Variants in PEX5 observed in about 807,000 individuals in gnomAD.
PEX5 encodes the protein peroxisomal biogenesis factor 5.
PEX5 carries 52 observed loss-of-function variants against 82.9 expected under a neutral mutation model. The observed-to-expected ratio is 0.63, with a 90% CI of 0.50 to 0.79. The LOEUF (loss-of-function observed/expected upper bound fraction) is 0.79, where lower values mean the gene tolerates loss of function less well. Among genes scored for constraint, PEX5 ranks in the 30% least tolerant of loss-of-function variants. The probability of loss-of-function intolerance (pLI) is 0.00; values close to 1 mark genes in which losing one functional copy is unlikely to be tolerated. For synonymous variants in PEX5, 300 were observed against 318.8 expected, an observed-to-expected ratio of 0.94 and a Z score of 0.63; for missense variants, 719 against 815.2, an observed-to-expected ratio of 0.88 and a Z score of 1.44.
rs113646200 is a variant in PEX5 at position 7,209,933 on chromosome 12, C to T, written c.1719-89C>T. ...TCTTAGATCCTGTTTGACTAACCAG[C>T]CCTAGCTTTCTCCCTCCCACTGCTA... On this transcript the variant is annotated intron_variant, in intron 15 of 15. Transcript: ENST00000675855. The T allele has an allele frequency of 3.0e-3, 4,715 of 1,590,970 alleles. 97 individuals are homozygous for T. In the African/African-American group the frequency reaches 0.051, roughly 17 times the overall value.
chr12:7,209,008 C>T lies in PEX5; in HGVS notation c.1398C>T (p.Ser466=). 1.2e-6 allele frequency: 2 copies of T among 1,614,016 alleles called. No individual in the cohort carries two copies. Among genetic ancestry groups the T allele is most frequent in the Non-Finnish European group, 8.5e-7 (1 of 1,179,946 alleles). ...TGTTTTTTTCCTTTTCATCCAGCTC[C>T]CTGTTTCTTGAAGTGAAAGAGCTCT... is the stretch of plus-strand genomic sequence containing the variant. The part of the protein sequence containing the change: ...KRILGSLLSD[S]LFLEVKELFL... Residue 466 remains serine, a synonymous_variant, in exon 14 of 16, where the codon TCC becomes TCT. Coordinates refer to ENST00000675855, the MANE Select transcript of PEX5 (RefSeq NM_001351132.2).
At chr12:7,213,312 C>T (rs1945677659), downstream of PEX5, among the ~76,000 whole-genome samples, 1 of 152,088 alleles carries the variant, frequency 6.6e-6, no homozygotes, top group African/African-American at 2.4e-5. Flanking sequence ...CATCACACTA[C>T]CTGACTTCTT....
chr12:7,196,316 TTA>T lies in PEX5; in HGVS notation c.449-2689_449-2688del, dbSNP rs200264446. Among the ~76,000 whole-genome samples the T allele has an allele frequency of 6.0e-3, 397 of 65,772 alleles. 2 individuals carry two copies. The highest frequency in any genetic ancestry group is 0.021 in the African/African-American group (353 of 16,698). The allele number at this position is 65,772 out of a possible 152,430, so 43.1% of individuals were successfully genotyped here. A position where few individuals can be genotyped will look rare whatever the true frequency, so the allele number is the denominator to read the frequency against. Reference sequence around the variant, plus strand: ...TAATTATATGTCATATATAATTTAATTATATATGTCATAATTTATATATGTCA... The same window carrying T: ...TAATTATATGTCATATATAATTTAATTATATGTCATAATTTATATATGTCA... On this transcript the variant is annotated intron_variant, in intron 5 of 15. Coordinates refer to ENST00000675855, the MANE Select transcript of PEX5 (RefSeq NM_001351132.2).
At position 7,204,682 on chromosome 12, in the gene PEX5, A is replaced by G. The variant is rs763501491; in HGVS notation, c.966+1131A>G. On this transcript the variant is annotated intron_variant, in intron 10 of 15. Transcript: ENST00000675855. ...TTTGATAAGTCACATAGGCCCCATC[A>G]ACTTATAAATGGAAAGTTGTACATT... 1.8e-4 allele frequency among the ~76,000 whole-genome samples: 27 copies of G among 152,372 alleles called. No homozygotes were observed. The South Asian group carries it at 5.4e-3, about 30-fold the overall frequency.
At chr12:7,203,346 G>A in intron 9 of PEX5, 86 bp from the exon 10 acceptor site, 1 of 1,452,054 alleles carries the variant, frequency 6.9e-7, no homozygotes, top group South Asian at 1.3e-5. Flanking sequence ...AAGAACTGCT[G>A]CCTTAGAGAA....
chr12:7,199,105 C>A lies in PEX5; in HGVS notation c.543C>A (p.Thr181=). 2 of 1,582,156 alleles carry A rather than the reference C, an allele frequency of 1.3e-6. No individual in the cohort carries two copies. Among genetic ancestry groups the A allele is most frequent in the Non-Finnish European group, 8.6e-7 (1 of 1,156,994 alleles). ...TGGGAGAACCTGAGGGAACAGCCAC[C>A]GATCGCTGGTGAGTTCAGATACCTC... ...LWLGEPEGTA[T]DRWYDEYHPE... Residue 181 remains threonine, a synonymous_variant, in exon 6 of 16, where the codon ACC becomes ACA. Transcript: ENST00000675855.
Position 7,194,249 on chromosome 12 carries a change from A to G in PEX5, c.448+2549A>G, listed in dbSNP as rs114699849. Among the ~76,000 whole-genome samples the G allele has an allele frequency of 4.9e-3, 739 of 152,316 alleles. 7 individuals are homozygous for G. Among genetic ancestry groups the G allele is most frequent in the African/African-American group, 0.015 (638 of 41,562 alleles). On this transcript the variant is annotated intron_variant, in intron 5 of 15. Coordinates refer to ENST00000675855, the MANE Select transcript of PEX5 (RefSeq NM_001351132.2). Reference sequence around the variant, plus strand: ...TTAAGAGTCAAAATCAAGTTTAAAAAGAATGTTGCAGCTCAATTATTTAAA... The same window carrying G: ...TTAAGAGTCAAAATCAAGTTTAAAAGGAATGTTGCAGCTCAATTATTTAAA...
chr12:7,208,485 A>C lies in PEX5; in HGVS notation c.1210A>C (p.Thr404Pro). 1 of 1,614,014 alleles carries C rather than the reference A, an allele frequency of 6.2e-7. No homozygotes were observed. Among genetic ancestry groups the C allele is most frequent in the Non-Finnish European group, 8.5e-7 (1 of 1,179,898 alleles). Residue 404 changes from threonine to proline, a missense_variant, in exon 13 of 16, where the codon ACA becomes CCA. Coordinates refer to ENST00000675855, the MANE Select transcript of PEX5 (RefSeq NM_001351132.2). ...RCLELKPDNQ[T>P]ALMALAVSFT... ...TCTGGAGCTAAAGCCAGATAACCAG[A>C]CAGCACTGATGGCGCTGGCTGTGAG...
chr12:7,215,909 A>G (rs913376407), downstream of PEX5, among the ~76,000 whole-genome samples: 4 of 152,244 alleles, frequency 2.6e-5, no homozygotes, highest in East Asian at 5.8e-4. Flanking sequence ...AACAAAAGCC[A>G]TTTTACAAAG....
At chr12:7,207,089 A>C (rs1944900473) in intron 10 of PEX5, among the ~76,000 whole-genome samples, 1 of 152,220 alleles carries the variant, frequency 6.6e-6, no homozygotes, top group African/African-American at 2.4e-5. Context: ...TGTCAGATAC[A>C]GATTAATATT....
At chr12:7,197,252 T>C (rs1268456002) in intron 5 of PEX5, among the ~76,000 whole-genome samples, 1 of 15,444 alleles carries the variant, frequency 6.5e-5, no homozygotes, top group African/African-American at 1.8e-4. Context: ...TTATATGTCA[T>C]ATGTAATAAT....
chr12:7,210,529 T>A lies in PEX5; in HGVS notation c.*306T>A. 1 of 491,876 alleles carries A rather than the reference T, an allele frequency of 2.0e-6. No homozygotes were observed. Among genetic ancestry groups the A allele is most frequent in the Non-Finnish European group, 3.7e-6 (1 of 267,480 alleles). 30.5% of individuals were successfully genotyped at this position (491,876 alleles called of 1,614,324 possible). A position where few individuals can be genotyped will look rare whatever the true frequency, so the allele number is the denominator to read the frequency against. Reference sequence around the variant, plus strand: ...TTGGGTAGGACCCCACGATTTAGGGTAACTGTTATCATCAGCTGCCATTTC... The same window carrying A: ...TTGGGTAGGACCCCACGATTTAGGGAAACTGTTATCATCAGCTGCCATTTC... On this transcript the variant is annotated 3_prime_UTR_variant, in exon 16 of 16. Coordinates refer to ENST00000675855, the MANE Select transcript of PEX5 (RefSeq NM_001351132.2).
chr12:7,201,186 CGCATACAT>C (rs1173235493), intron 6 of PEX5, among the ~76,000 whole-genome samples: 2 of 151,560 alleles, frequency 1.3e-5, no homozygotes, highest in Non-Finnish European at 2.9e-5. Flanking sequence ...TATGTACACA[CGCATACAT>C]ACACATACAT....
chr12:7,200,707 G>A (rs1351801920), intron 6 of PEX5, among the ~76,000 whole-genome samples: 2 of 152,206 alleles, frequency 1.3e-5, no homozygotes, highest in African/African-American at 2.4e-5. Flanking sequence ...GGCCAACACA[G>A]CGAAACCCCG....
intron 4 of PEX5, 38 bp from the exon 5 acceptor site, chr12:7,191,531 A>C (rs1216181092): frequency 1.2e-6 from 2 of 1,612,100 alleles, no homozygotes; most frequent in Non-Finnish European, 1.7e-6. Context: ...AATGGTATGT[A>C]TGTATTCTTT....
Position 7,199,135 on chromosome 12 carries a change from C to G in PEX5, c.551+22C>G, listed in dbSNP as rs761650179. The G allele has an allele frequency of 1.2e-5, 17 of 1,378,204 alleles. 1 individual carries two copies. Among genetic ancestry groups the G allele is most frequent in the Non-Finnish European group, 1.6e-5 (16 of 980,752 alleles). The allele number at this position is 1,378,204 out of a possible 1,614,324, so 85.4% of individuals were successfully genotyped here. A position where few individuals can be genotyped will look rare whatever the true frequency, so the allele number is the denominator to read the frequency against. On this transcript the variant is annotated intron_variant, in intron 6 of 15. Transcript: ENST00000675855. ...GCTGGTGAGTTCAGATACCTCTTTC[C>G]GAATCCCGTGAAAGGAGTATGGACA...
In PEX5 at chr12:7,191,274, G is replaced by A. The variant is rs1591647680; in HGVS notation, c.232G>A (p.Ala78Thr). 1 of 1,614,004 alleles carries A rather than the reference G, an allele frequency of 6.2e-7. No individual in the cohort carries two copies. Among genetic ancestry groups the A allele is most frequent in the African/African-American group, 1.3e-5 (1 of 74,896 alleles). The change falls in exon 4 of 16, where the codon GCC (alanine) becomes ACC (threonine). Residue 78 changes from alanine (A) to threonine (T), a missense_variant. Transcript: ENST00000675855. ...CCAGAATGCACCCCTTGTGTCCCGT[G>A]CCCCTCAGACCTTCAAGATGGATGA... ...QDQNAPLVSR[A>T]PQTFKMDDLL...
chr12:7,202,485 G>C, intron 8 of PEX5, 127 bp from the exon 9 acceptor site: 1 of 1,405,752 alleles, frequency 7.1e-7, no homozygotes, highest in Non-Finnish European at 1.0e-6. Context: ...CCAAGTGGGT[G>C]GGAAAGAGAT....
chr12:7,203,358 C>G (rs1299315228), intron 9 of PEX5, 74 bp from the exon 10 acceptor site: 2 of 1,507,226 alleles, frequency 1.3e-6, no homozygotes, highest in Non-Finnish European at 1.8e-6. Context: ...CTTAGAGAAT[C>G]CCAGCAGAGC....
Sources: allele counts gnomAD v4.1 joint callset (sites outside exome capture counted in the v4.1 genomes callset), GRCh38; gene constraint gnomAD v4.1.1; transcripts MANE v1.5; gene names NCBI Gene and HGNC (gene_info 2026-07-23, HGNC 2026-07-21).